Variants in ELF2 observed in about 807,000 individuals in gnomAD.
ELF2 encodes ETS-related transcription factor Elf-2.
Under a neutral mutation model 54.8 loss-of-function variants are expected in ELF2, and 11 were observed. That is an observed-to-expected ratio of 0.20 (90% confidence interval 0.13 to 0.33). ELF2 has a LOEUF of 0.33. Ranked by LOEUF, ELF2 falls within the 10% of genes least tolerant of loss-of-function variation. ELF2 has a pLI of 1.00. For missense variants in ELF2, 513 were observed against 703.0 expected, an observed-to-expected ratio of 0.73 and a Z score of 3.06; for synonymous variants, 203 against 245.1, an observed-to-expected ratio of 0.83 and a Z score of 1.61.
chr4:139,154,596 T>C (rs1168082637), intron 1 of ELF2, among the ~76,000 whole-genome samples: 2 of 151,704 alleles, frequency 1.3e-5, no homozygotes, highest in African/African-American at 4.8e-5. Context: ...AAAAGCTACA[T>C]ACTTCCCTCA....
rs1329501329 is a variant in ELF2 at position 139,071,738 on chromosome 4, G to C, written c.526+128C>G. 4.6e-6 allele frequency: 4 copies of C among 867,000 alleles called. No individual in the cohort carries two copies. The East Asian group carries it at 1.1e-4, about 24-fold the overall frequency. The allele number at this position is 867,000 out of a possible 1,614,324, so 53.7% of individuals were successfully genotyped here. On this transcript the variant is annotated intron_variant, in intron 6 of 9. Transcript: ENST00000686138. ...TAAAATCTCAATGTTGATTCTTTGAGAATATCTGGTTAAGATAACATCAAT... is the reference window on the plus strand; with the variant it reads ...TAAAATCTCAATGTTGATTCTTTGACAATATCTGGTTAAGATAACATCAAT...
In ELF2 at chr4:139,073,527, A is replaced by C. The variant is rs1189085961; in HGVS notation, c.279T>G (p.Asp93Glu). 6.2e-7 allele frequency: 1 copy of C among 1,608,660 alleles called. No homozygotes were observed. The change falls in exon 5 of 10, where the codon GAT (aspartate) becomes GAG (glutamate). Residue 93 changes from aspartate to glutamate, a missense_variant. Asp to Glu is a conservative substitution (Grantham distance 45). Transcript: ENST00000686138. ...SVHSSNAHCT[D>E]KTIEAAEALL... ...GGGCTTCAGCAGCTTCAATTGTCTT[A>C]TCTGTACAGTGTGCATTACTGCTGT...
chr4:139,068,972 C>T (rs966535477), intron 6 of ELF2, among the ~76,000 whole-genome samples: 2 of 151,940 alleles, frequency 1.3e-5, no homozygotes, highest in Admixed American at 1.3e-4. Flanking sequence ...TGGGCTCAAG[C>T]AATCCTCCCA....
At chr4:139,122,532 C>T (rs182732772) in intron 4 of ELF2, among the ~76,000 whole-genome samples, 47 of 105,030 alleles carry the variant, frequency 4.5e-4, no homozygotes, top group African/African-American at 1.4e-3. Flanking sequence ...GACAGAGTCT[C>T]GCTATGTCCC....
intron 3 of ELF2, among the ~76,000 whole-genome samples, chr4:139,135,279 GTA>G (rs56311255): frequency 0.013 from 1,783 of 136,544 alleles, 22 homozygotes; most frequent in African/African-American, 0.027. Flanking sequence ...GTGTGTGTGT[GTA>G]TATATGAATG....
Position 139,067,741 on chromosome 4 carries a change from G to T in ELF2, c.556C>A (p.Pro186Thr), listed in dbSNP as rs773741035. ...AACTCAGGAGACCCATTGGAAATTG[G>T]TGATTGCTGGGTCTTTGGTTTACGG... ...VGRKPKTQQS[P>T]ISNGSPELGI... The change falls in exon 7 of 10, where the codon CCA (proline) becomes ACA (threonine). Residue 186 changes from proline to threonine, a missense_variant. Coordinates refer to ENST00000686138, the MANE Select transcript of ELF2 (RefSeq NM_001331036.3). 6 of 1,602,232 alleles carry T rather than the reference G, an allele frequency of 3.7e-6. No individual in the cohort carries two copies. Among genetic ancestry groups the T allele is most frequent in the Middle Eastern group, 1.7e-4 (1 of 6,040 alleles).
intron 4 of ELF2, among the ~76,000 whole-genome samples, chr4:139,076,883 A>G (rs1213018850): frequency 6.6e-6 from 1 of 152,172 alleles, no homozygotes; most frequent in Non-Finnish European, 1.5e-5. Context: ...TCAACATATT[A>G]TATCTCAGAA....
intron 4 of ELF2, among the ~76,000 whole-genome samples, chr4:139,083,744 C>T (rs1314586656): frequency 6.6e-5 from 10 of 152,186 alleles, no homozygotes; most frequent in Non-Finnish European, 1.5e-4. Flanking sequence ...CAGGCGCAGC[C>T]GAGAGACAAC....
At chr4:139,078,379 C>T (rs956290268) in intron 4 of ELF2, among the ~76,000 whole-genome samples, 1 of 152,106 alleles carries the variant, frequency 6.6e-6, no homozygotes, top group Non-Finnish European at 1.5e-5. Flanking sequence ...CTGCAGCACC[C>T]GATTTACCAC....
At chr4:139,124,013 G>A (rs1736658962) in intron 4 of ELF2, among the ~76,000 whole-genome samples, 1 of 152,066 alleles carries the variant, frequency 6.6e-6, no homozygotes, top group African/African-American at 2.4e-5. Flanking sequence ...CTACAGTCAC[G>A]AAGCCCATAT....
intron 1 of ELF2, among the ~76,000 whole-genome samples, chr4:139,169,657 A>G (rs911096233): frequency 7.2e-5 from 11 of 152,112 alleles, no homozygotes; most frequent in Admixed American, 3.9e-4. Context: ...GGAGATCGAG[A>G]CCATCCTGGC....
chr4:139,103,628 G>A (rs1734134715), intron 4 of ELF2, among the ~76,000 whole-genome samples: 1 of 152,192 alleles, frequency 6.6e-6, no homozygotes, highest in African/African-American at 2.4e-5. Flanking sequence ...TTCTTCATCT[G>A]TATCCTTTAA....
At chr4:139,158,906 T>C (rs1185701961) in intron 1 of ELF2, among the ~76,000 whole-genome samples, 2 of 152,154 alleles carry the variant, frequency 1.3e-5, no homozygotes, top group African/African-American at 4.8e-5. Flanking sequence ...ATTAGTCGTT[T>C]CACCTTTCCT....
intron 4 of ELF2, among the ~76,000 whole-genome samples, chr4:139,095,155 T>C (rs1402575771): frequency 2.6e-5 from 4 of 152,124 alleles, no homozygotes; most frequent in African/African-American, 4.8e-5. Context: ...TGGCATCTTC[T>C]TTCTCCATTA....
At position 139,135,279 on chromosome 4, in the gene ELF2, G is replaced by GTATA. The variant is rs56311255; in HGVS notation, c.72+2347_72+2350dup. Among the ~76,000 whole-genome samples, 266 of 136,554 alleles carry GTATA rather than the reference G, an allele frequency of 1.9e-3. No individual in the cohort carries two copies. In the East Asian group the frequency reaches 0.025, roughly 13 times the overall value. 89.6% of individuals were successfully genotyped at this position (136,554 alleles called of 152,430 possible). On this transcript the variant is annotated intron_variant, in intron 3 of 9. Transcript: ENST00000686138. Reference sequence around the variant, plus strand: ...TGTGTGTGTGTGTGTGTGTGTGTGTGTATATATGAATGAAACATTCCTGAA... The same window carrying GTATA: ...TGTGTGTGTGTGTGTGTGTGTGTGTGTATATATATATGAATGAAACATTCCTGAA...
intron 1 of ELF2, among the ~76,000 whole-genome samples, chr4:139,176,261 T>C (rs1742905201): frequency 6.6e-6 from 1 of 152,174 alleles, no homozygotes; most frequent in African/African-American, 2.4e-5. Flanking sequence ...TAGGGGGAGA[T>C]GGCAGCACGG....
At chr4:139,091,878 G>A (rs1732610818) in intron 4 of ELF2, among the ~76,000 whole-genome samples, 1 of 150,598 alleles carries the variant, frequency 6.6e-6, no homozygotes, top group Admixed American at 6.6e-5. Context: ...AGGTTGTCAA[G>A]AAAATAGAAT....
At chr4:139,176,371 G>A (rs1742918464) in intron 1 of ELF2, among the ~76,000 whole-genome samples, 1 of 146,918 alleles carries the variant, frequency 6.8e-6, no homozygotes, top group Non-Finnish European at 1.5e-5. Context: ...GATAAGGCAC[G>A]ACAGGGAAGG....
At chr4:139,109,639 G>C (rs72949624) in intron 4 of ELF2, among the ~76,000 whole-genome samples, 2,248 of 152,260 alleles carry the variant, frequency 0.015, 62 homozygotes, top group African/African-American at 0.051. Flanking sequence ...CTTATTTAAT[G>C]AAAAACCCAT....
Sources: gnomAD v4.1 joint callset for allele counts (sites outside exome capture counted in the v4.1 genomes callset) on GRCh38, gnomAD v4.1.1 for gene constraint, MANE v1.5 for transcripts, NCBI Gene and HGNC (gene_info 2026-07-23, HGNC 2026-07-21) for gene names.